Variants in RNF38 observed in about 807,000 individuals in gnomAD.
The protein encoded by RNF38 is E3 ubiquitin-protein ligase RNF38.
Under a neutral mutation model 67.2 loss-of-function variants are expected in RNF38, and 15 were observed. That is an observed-to-expected ratio of 0.22 (90% confidence interval 0.15 to 0.34). The LOEUF (loss-of-function observed/expected upper bound fraction) is 0.34. Among genes scored for constraint, RNF38 ranks in the 10% least tolerant of loss-of-function variants. The pLI, the probability that RNF38 is intolerant of heterozygous loss-of-function variation, is 1.00. For missense variants in RNF38, 524 were observed against 639.9 expected, an observed-to-expected ratio of 0.82 and a Z score of 1.95; for synonymous variants, 220 against 218.8, an observed-to-expected ratio of 1.01 and a Z score of -0.05.
intron 1 of RNF38, among the ~76,000 whole-genome samples, chr9:36,451,186 G>A (rs540615436): frequency 5.9e-4 from 89 of 151,144 alleles, no homozygotes; most frequent in Non-Finnish European, 1.0e-3. Flanking sequence ...TATTTTGGCC[G>A]GGCGCAGTGG....
chr9:36,401,248 G>T (rs956146678), upstream of RNF38: 17 of 982,592 alleles, frequency 1.7e-5, no homozygotes, highest in African/African-American at 3.0e-4. Flanking sequence ...CGCACGACTC[G>T]GACCAGTTCC....
intron 1 of RNF38, among the ~76,000 whole-genome samples, chr9:36,430,494 T>A (rs1181095755): frequency 6.6e-6 from 1 of 152,172 alleles, no homozygotes; most frequent in Non-Finnish European, 1.5e-5. Context: ...CAAGAGCTAC[T>A]GTGCCTGGCC....
intron 1 of RNF38, among the ~76,000 whole-genome samples, chr9:36,425,032 T>C (rs1050288173): frequency 2.0e-5 from 3 of 152,188 alleles, no homozygotes; most frequent in African/African-American, 7.2e-5. Context: ...AGGAAAAATA[T>C]TACATTCCTT....
At chr9:36,433,179 C>CA (rs540087872) in intron 1 of RNF38, among the ~76,000 whole-genome samples, 104 of 96,572 alleles carry the variant, frequency 1.1e-3, no homozygotes, top group Middle Eastern at 5.0e-3. Context: ...TTAATGGGTA[C>CA]AAAAAAAAAA....
At chr9:36,469,326 A>T (rs1255269996) in intron 1 of RNF38, among the ~76,000 whole-genome samples, 1 of 84,036 alleles carries the variant, frequency 1.2e-5, no homozygotes, top group East Asian at 3.1e-4. Flanking sequence ...TACTTTGTTC[A>T]ATCTTTTTTT....
intron 3 of RNF38, among the ~76,000 whole-genome samples, chr9:36,371,057 G>A (rs1282304730): frequency 2.6e-5 from 4 of 152,156 alleles, no homozygotes; most frequent in Admixed American, 2.6e-4. Flanking sequence ...CAATGGCTCA[G>A]CACAAAAGCA....
intron 1 of RNF38, among the ~76,000 whole-genome samples, chr9:36,394,713 A>G (rs1465409084): frequency 2.0e-5 from 3 of 152,338 alleles, no homozygotes; most frequent in African/African-American, 4.8e-5. Flanking sequence ...ACTCAAGTCT[A>G]TCGAATTCTA....
chr9:36,348,563 T>C (rs987565639), intron 9 of RNF38, among the ~76,000 whole-genome samples: 4 of 152,204 alleles, frequency 2.6e-5, no homozygotes, highest in Non-Finnish European at 5.9e-5. Flanking sequence ...ATTGCTGATA[T>C]GGAGAAAGTC....
chr9:36,373,160 TC>T (rs972752218), intron 3 of RNF38, among the ~76,000 whole-genome samples: 4 of 152,154 alleles, frequency 2.6e-5, no homozygotes, highest in African/African-American at 9.7e-5. Flanking sequence ...TGAGCCGAGA[TC>T]GCACCATTGC....
intron 1 of RNF38, among the ~76,000 whole-genome samples, chr9:36,459,990 G>A (rs138426371): frequency 4.3e-4 from 65 of 151,970 alleles, no homozygotes; most frequent in African/African-American, 1.4e-3. Flanking sequence ...TAATGCAAAC[G>A]AATGTTTTTC....
chr9:36,463,022 A>G (rs1021920423), intron 1 of RNF38, among the ~76,000 whole-genome samples: 4 of 151,872 alleles, frequency 2.6e-5, no homozygotes, highest in African/African-American at 9.7e-5. Context: ...TAAGCAAGTG[A>G]AGGAATAAAG....
chr9:36,353,053 A>G (rs1349465514), intron 7 of RNF38, 117 bp downstream of exon 7: 4 of 966,976 alleles, frequency 4.1e-6, no homozygotes, highest in South Asian at 3.1e-5. Context: ...TAACTTTCCA[A>G]CTGAATGCTG....
intron 11 of RNF38, 38 bp from the exon 12 acceptor site, chr9:36,339,852 A>C (rs771294973): frequency 6.6e-7 from 1 of 1,509,036 alleles, no homozygotes; most frequent in Non-Finnish European, 9.2e-7. Context: ...AAATTGTGAC[A>C]CATACAATGA....
chr9:36,338,810 GAAA>G lies in RNF38; in HGVS notation c.*939_*941del, dbSNP rs535857199. 1.3e-5 allele frequency: 2 copies of G among 151,842 alleles called. No homozygotes were observed. Among genetic ancestry groups the G allele is most frequent in the African/African-American group, 2.4e-5 (1 of 41,220 alleles). The allele number at this position is 151,842 out of a possible 1,614,324, so 9.4% of individuals were successfully genotyped here. Reference sequence around the variant, plus strand: ...TAAGAAACTTACTGGAAATGTAAAGGAAAAAAAAGTATCAACATTCAAATCACT... The same window carrying G: ...TAAGAAACTTACTGGAAATGTAAAGGAAAAAGTATCAACATTCAAATCACT... On this transcript the variant is annotated 3_prime_UTR_variant, in exon 12 of 12. Coordinates refer to ENST00000259605, the MANE Select transcript of RNF38 (RefSeq NM_022781.5).
At chr9:36,453,289 C>A (rs1052102222) in intron 1 of RNF38, among the ~76,000 whole-genome samples, 2 of 152,080 alleles carry the variant, frequency 1.3e-5, no homozygotes. Context: ...ACACAGCTCA[C>A]TGCAGCCTCA....
rs1159982090 is a variant in RNF38 at position 36,369,776 on chromosome 9, T to C, written c.513A>G (p.Leu171=). The part of the protein sequence containing the change: ...FHPPNVSPRL[L]HPAAHPPQQN... ...GCTGGGGTGGATGAGCAGCAGGATG[T>C]AGCAGACGGGGAGATACATTCGGAG... The change falls in exon 4 of 12, where the codon CTA becomes CTG. Residue 171 remains leucine, a synonymous_variant. Transcript: ENST00000259605. 3 of 1,613,948 alleles carry C rather than the reference T, an allele frequency of 1.9e-6. No homozygotes were observed. The highest frequency in any genetic ancestry group is 2.5e-6 in the Non-Finnish European group (3 of 1,180,038).
chr9:36,362,604 T>A (rs1441973212), intron 4 of RNF38, among the ~76,000 whole-genome samples: 1 of 152,022 alleles, frequency 6.6e-6, no homozygotes, highest in Non-Finnish European at 1.5e-5. Context: ...ACAGCCACTC[T>A]TTGATCCCAG....
At chr9:36,446,577 C>G (rs148631002) in intron 1 of RNF38, among the ~76,000 whole-genome samples, 1 of 151,980 alleles carries the variant, frequency 6.6e-6, no homozygotes, top group Non-Finnish European at 1.5e-5. Context: ...GAAGCTGAGG[C>G]AGAAGGATCA....
chr9:36,450,774 C>T (rs1277237008), intron 1 of RNF38, among the ~76,000 whole-genome samples: 2 of 152,018 alleles, frequency 1.3e-5, no homozygotes, highest in Admixed American at 6.6e-5. Flanking sequence ...AATGGCCTGG[C>T]GTGGTGGTTC....
Sources: gnomAD v4.1 joint callset for allele counts (sites outside exome capture counted in the v4.1 genomes callset) on GRCh38, gnomAD v4.1.1 for gene constraint, MANE v1.5 for transcripts, NCBI Gene and HGNC (gene_info 2026-07-23, HGNC 2026-07-21) for gene names.